The following THADA variants were observed in gnomAD, a reference collection of about 807,000 sequenced individuals.
The protein encoded by THADA is THADA armadillo repeat containing.
THADA carries 213 observed loss-of-function variants against 219.8 expected under a neutral mutation model. The ratio of observed to expected loss-of-function variants is 0.97; its 90% CI spans 0.87 to 1.09. The LOEUF is 1.09. THADA is among the 50% of genes least tolerant of loss of function. The pLI, the probability that THADA is intolerant of heterozygous loss-of-function variation, is 0.00. For missense variants in THADA, 2,956 were observed against 2,311.3 expected (o/e 1.28, Z -5.72); for synonymous variants, 1,018 against 828.9 (o/e 1.23, Z -3.92).
intron 29 of THADA, among the ~76,000 whole-genome samples, chr2:43,348,477 G>A (rs962115882): frequency 1.3e-5 from 2 of 152,108 alleles, no homozygotes; most frequent in East Asian, 3.8e-4. Context: ...ACAAAGAATG[G>A]GCAGAGAGCC....
In THADA at chr2:43,344,251, G is replaced by GAA; in HGVS notation, c.4228-16_4228-15dup. ...CAAATGAAAAACCTAAACCAAAAAAGAAAAAAAAATCCTGCTGTGAAAATA... is the reference window on the plus strand; with the variant it reads ...CAAATGAAAAACCTAAACCAAAAAAGAAAAAAAAAAATCCTGCTGTGAAAATA... On this transcript the variant is annotated splice_polypyrimidine_tract_variant and intron_variant, in intron 29 of 37. Transcript: ENST00000405975. 1 of 1,526,756 alleles carries GAA rather than the reference G, an allele frequency of 6.5e-7. No homozygotes were observed. The highest frequency in any genetic ancestry group is 2.1e-5 in the Admixed American group (1 of 48,340). The allele number at this position is 1,526,756 out of a possible 1,614,324, so 94.6% of individuals were successfully genotyped here. A position where few individuals can be genotyped will look rare whatever the true frequency, so the allele number is the denominator to read the frequency against.
At chr2:43,554,604 A>G (rs1290902843) in intron 17 of THADA, among the ~76,000 whole-genome samples, 1 of 152,190 alleles carries the variant, frequency 6.6e-6, no homozygotes, top group South Asian at 2.1e-4. Flanking sequence ...TGAAACCACA[A>G]TGAGATATCG....
chr2:43,465,044 A>G (rs1326707574), intron 26 of THADA, among the ~76,000 whole-genome samples: 3 of 152,128 alleles, frequency 2.0e-5, no homozygotes, highest in Non-Finnish European at 4.4e-5. Flanking sequence ...AACATATTAT[A>G]ATTTCCTCTT....
chr2:43,392,534 T>G (rs1365427069), intron 29 of THADA, among the ~76,000 whole-genome samples: 1 of 152,118 alleles, frequency 6.6e-6, no homozygotes, highest in Non-Finnish European at 1.5e-5. Flanking sequence ...CTACCTTTAC[T>G]TCTTTCTTTG....
At chr2:43,256,123 A>C (rs913406830) in intron 36 of THADA, among the ~76,000 whole-genome samples, 2 of 152,234 alleles carry the variant, frequency 1.3e-5, no homozygotes, top group Admixed American at 1.3e-4. Flanking sequence ...GATGTTCATG[A>C]ATCCAAGATA....
chr2:43,343,580 T>A (rs1325706465), intron 30 of THADA: 4 of 152,574 alleles, frequency 2.6e-5, no homozygotes, highest in African/African-American at 9.6e-5. Context: ...ACACAGTAAA[T>A]GTTCTAAGTT....
chr2:43,378,701 G>A (rs899599500), intron 29 of THADA, among the ~76,000 whole-genome samples: 3 of 152,162 alleles, frequency 2.0e-5, no homozygotes, highest in Non-Finnish European at 2.9e-5. Context: ...CACTTCCAGG[G>A]TTCAAGCGAT....
chr2:43,487,957 G>C (rs972898654), intron 25 of THADA, among the ~76,000 whole-genome samples: 3 of 152,158 alleles, frequency 2.0e-5, no homozygotes, highest in Non-Finnish European at 4.4e-5. Context: ...ATTAGGTGCA[G>C]CAAAATCACG....
At chr2:43,326,119 T>C (rs1222037273) in intron 30 of THADA, among the ~76,000 whole-genome samples, 10 of 150,036 alleles carry the variant, frequency 6.7e-5, no homozygotes, top group African/African-American at 2.5e-4. Context: ...CACAAACATA[T>C]GCATTAGGTC....
Position 43,505,638 on chromosome 2 carries a change from T to C in THADA, c.3605A>G (p.Gln1202Arg), listed in dbSNP as rs376577667. Residue 1202 changes from glutamine to arginine, a missense_variant, in exon 24 of 38, where the codon CAG becomes CGG. Transcript: ENST00000405975. ...ISLAGPTDDI[Q>R]STVPQVHALN... Reference sequence around the variant, plus strand: ...CATGATTACCTGGGGGACTGTACTCTGTATGTCATCTGTAGGCCCAGCCAA... The same window carrying C: ...CATGATTACCTGGGGGACTGTACTCCGTATGTCATCTGTAGGCCCAGCCAA... 71 of 1,592,792 alleles carry C rather than the reference T, an allele frequency of 4.5e-5. No homozygotes were observed. Among genetic ancestry groups the C allele is most frequent in the Non-Finnish European group, 5.7e-5 (67 of 1,167,526 alleles).
chr2:43,328,564 C>A (rs1679598196), intron 30 of THADA, among the ~76,000 whole-genome samples: 1 of 152,232 alleles, frequency 6.6e-6, no homozygotes, highest in African/African-American at 2.4e-5. Context: ...AGCTACCATG[C>A]ACAAAGTGAG....
At chr2:43,405,245 G>A (rs72790916) in intron 28 of THADA, among the ~76,000 whole-genome samples, 156 of 152,232 alleles carry the variant, frequency 1.0e-3, no homozygotes, top group South Asian at 4.6e-3. Context: ...TTTTAATTCT[G>A]TGTGGTTCGT....
At chr2:43,340,153 A>G (rs1168742488) in intron 30 of THADA, among the ~76,000 whole-genome samples, 1 of 152,194 alleles carries the variant, frequency 6.6e-6, no homozygotes, top group African/African-American at 2.4e-5. Flanking sequence ...AACTGGATCA[A>G]GAAGGGAGGA....
chr2:43,350,973 A>G (rs1439882907), intron 29 of THADA, among the ~76,000 whole-genome samples: 1 of 152,158 alleles, frequency 6.6e-6, no homozygotes, highest in Non-Finnish European at 1.5e-5. Context: ...GAATATCTTT[A>G]AGGACTACAG....
chr2:43,537,595 A>G (rs940723701), intron 21 of THADA, among the ~76,000 whole-genome samples: 105 of 152,352 alleles, frequency 6.9e-4, no homozygotes, highest in African/African-American at 2.4e-3. Context: ...AATCTAAAGT[A>G]ATAACAAAAG....
intron 27 of THADA, 31 bp from the exon 28 acceptor site, chr2:43,428,262 T>TA: frequency 1.3e-6 from 2 of 1,559,878 alleles, no homozygotes; most frequent in Non-Finnish European, 1.7e-6. Context: ...CATGAAAGAT[T>TA]TCACATTTAG....
At chr2:43,537,983 T>C (rs1043582254) in intron 21 of THADA, among the ~76,000 whole-genome samples, 3 of 149,676 alleles carry the variant, frequency 2.0e-5, no homozygotes, top group Non-Finnish European at 4.5e-5. Context: ...TGTTTTAAAA[T>C]AGCAATTTCT....
At chr2:43,543,446 C>A (rs1018547499) in intron 20 of THADA, among the ~76,000 whole-genome samples, 14 of 151,256 alleles carry the variant, frequency 9.3e-5, no homozygotes, top group African/African-American at 3.4e-4. Context: ...TGAGGAATCG[C>A]CACACTGACT....
At chr2:43,574,165 T>C (rs1316115127) in intron 11 of THADA, among the ~76,000 whole-genome samples, 171 bp downstream of exon 11, 1 of 152,216 alleles carries the variant, frequency 6.6e-6, no homozygotes, top group Non-Finnish European at 1.5e-5. Flanking sequence ...AAAAACTCCA[T>C]TCAGCTATAT....
Sources: gnomAD v4.1 joint callset for allele counts (sites outside exome capture counted in the v4.1 genomes callset) on GRCh38, gnomAD v4.1.1 for gene constraint, MANE v1.5 for transcripts, NCBI Gene and HGNC (gene_info 2026-07-23, HGNC 2026-07-21) for gene names.